Variants in KPNA7 observed in about 807,000 individuals in gnomAD.
The protein encoded by KPNA7 is karyopherin subunit alpha 7.
In KPNA7, 54 loss-of-function variants were observed where a neutral mutation model predicts 53.7. That is an observed-to-expected ratio of 1.01 (90% CI 0.81 to 1.26). KPNA7 has a LOEUF of 1.26. Ranked by LOEUF, KPNA7 falls within the 50% of genes most tolerant of loss-of-function variation. KPNA7 has a pLI of 0.00. For missense variants in KPNA7, 640 were observed against 644.5 expected (o/e 0.99, Z 0.07); for synonymous variants, 276 against 259.3 (o/e 1.06, Z -0.62).
Position 99,181,959 on chromosome 7 carries a change from G to C in KPNA7, c.1241C>G (p.Pro414Arg), listed in dbSNP as rs762142648. Residue 414 changes from proline to arginine, a missense_variant, in exon 9 of 11, where the codon CCA becomes CGA. Transcript: ENST00000327442. ...TGGGGCAGTGAGCAGATTCACCAGT[G>C]GCTCCAGGACCCCAGAGTGGACGAG... The part of the protein sequence containing the change: ...IQLVHSGVLE[P>R]LVNLLTAPDV... 4.8e-5 allele frequency: 74 copies of C among 1,551,300 alleles called. No individual in the cohort carries two copies. The highest frequency in any genetic ancestry group is 6.2e-5 in the Non-Finnish European group (71 of 1,146,782).
chr7:99,188,195 A>AAAAAG (rs779112006), intron 7 of KPNA7, 105 bp downstream of exon 7: 26,629 of 622,420 alleles, frequency 0.043, 449 homozygotes, highest in East Asian at 0.1. Context: ...AAAAAAAAAA[A>AAAAAG]AAAGCAAAGA....
chr7:99,201,376 C>T (rs1338662344), intron 3 of KPNA7, among the ~76,000 whole-genome samples: 1 of 151,900 alleles, frequency 6.6e-6, no homozygotes. Flanking sequence ...AAAAAATATG[C>T]TAATATGCCA....
At chr7:99,161,575 A>T in the KPNA7 span, among the ~76,000 whole-genome samples, 1 of 152,100 alleles carries the variant, frequency 6.6e-6, no homozygotes, top group African/African-American at 2.4e-5. Flanking sequence ...TTAAGCTGTT[A>T]AGTTTCTGGG....
At chr7:99,208,820 G>A (rs1323430424), upstream of KPNA7, among the ~76,000 whole-genome samples, 1 of 151,232 alleles carries the variant, frequency 6.6e-6, no homozygotes, top group Admixed American at 6.6e-5. Context: ...GCTTCAACTG[G>A]GTCCTCAAAT....
At chr7:99,152,588 A>G in the KPNA7 span, among the ~76,000 whole-genome samples, 4 of 152,182 alleles carry the variant, frequency 2.6e-5, no homozygotes, top group Non-Finnish European at 4.4e-5. Flanking sequence ...TTAAAAATTA[A>G]CAGTGGTTAA....
chr7:99,203,592 T>A (rs1790656274), intron 2 of KPNA7, among the ~76,000 whole-genome samples: 1 of 151,996 alleles, frequency 6.6e-6, no homozygotes, highest in South Asian at 2.1e-4. Flanking sequence ...TATGGCTGCT[T>A]CCTGAATGTA....
chr7:99,177,474 A>G (rs1469610881), intron 10 of KPNA7, among the ~76,000 whole-genome samples: 2 of 150,156 alleles, frequency 1.3e-5, no homozygotes, highest in Admixed American at 6.7e-5. Flanking sequence ...TCTCGGGTCA[A>G]TGAGGCTCAA....
intron 7 of KPNA7, among the ~76,000 whole-genome samples, chr7:99,187,876 CCA>C (rs1491188129): frequency 2.1e-5 from 3 of 143,592 alleles, no homozygotes; most frequent in Non-Finnish European, 3.0e-5. Flanking sequence ...AAGCTTTTGG[CCA>C]CAGAGTAGCA....
At chr7:99,186,270 C>G (rs1489672864) in intron 7 of KPNA7, among the ~76,000 whole-genome samples, 3 of 152,170 alleles carry the variant, frequency 2.0e-5, no homozygotes, top group South Asian at 2.1e-4. Flanking sequence ...CAACAACTCT[C>G]CTACAATAGC....
At chr7:99,200,123 G>C (rs977955908) in intron 3 of KPNA7, among the ~76,000 whole-genome samples, 2 of 152,174 alleles carry the variant, frequency 1.3e-5, no homozygotes, top group African/African-American at 4.8e-5. Context: ...GGATGGTCTT[G>C]AACTCCTGAC....
intron 3 of KPNA7, among the ~76,000 whole-genome samples, chr7:99,198,742 CTT>C (rs1218636429): frequency 2.0e-5 from 3 of 152,058 alleles, no homozygotes; most frequent in Admixed American, 2.0e-4. Flanking sequence ...GCTCTTTTCA[CTT>C]TTATCCAACA....
chr7:99,205,723 C>T (rs1309050765), intron 2 of KPNA7, among the ~76,000 whole-genome samples: 1 of 151,774 alleles, frequency 6.6e-6, no homozygotes, highest in Non-Finnish European at 1.5e-5. Context: ...TAATTGTGCA[C>T]ACCTGTAATC....
the KPNA7 span, among the ~76,000 whole-genome samples, chr7:99,147,141 A>T: frequency 6.6e-6 from 1 of 152,224 alleles, no homozygotes; most frequent in East Asian, 1.9e-4. Flanking sequence ...CAAGGAATAC[A>T]AAATAAATCT....
intron 4 of KPNA7, 114 bp downstream of exon 4, chr7:99,195,970 T>C: frequency 3.8e-6 from 3 of 792,742 alleles, no homozygotes; most frequent in Non-Finnish European, 6.3e-6. Flanking sequence ...TTTCCTGTGT[T>C]TTACGGGCAT....
At chr7:99,166,193 G>T in the KPNA7 span, among the ~76,000 whole-genome samples, 1 of 152,002 alleles carries the variant, frequency 6.6e-6, no homozygotes, top group Non-Finnish European at 1.5e-5. Context: ...TTTATTTATA[G>T]CAATGCCAAA....
the KPNA7 span, among the ~76,000 whole-genome samples, chr7:99,147,562 G>A: frequency 2.0e-5 from 3 of 152,134 alleles, no homozygotes; most frequent in Admixed American, 6.5e-5. Flanking sequence ...AGACCAAGGC[G>A]GGTGGATCAC....
chr7:99,169,080 C>T (rs1483648456), downstream of KPNA7, among the ~76,000 whole-genome samples: 1 of 152,024 alleles, frequency 6.6e-6, no homozygotes, highest in African/African-American at 2.4e-5. Context: ...CCTAGCTACC[C>T]GGGAGGCGGC....
chr7:99,161,153 T>C, the KPNA7 span, among the ~76,000 whole-genome samples: 2 of 152,144 alleles, frequency 1.3e-5, no homozygotes, highest in Admixed American at 1.3e-4. Context: ...TGAGCCACCA[T>C]GCCTTCTAAG....
chr7:99,195,894 G>A (rs779262681), intron 4 of KPNA7, among the ~76,000 whole-genome samples, 190 bp downstream of exon 4: 3 of 152,106 alleles, frequency 2.0e-5, no homozygotes, highest in African/African-American at 4.8e-5. Context: ...ACAACACATC[G>A]AAGCTTTTAA....
Sources: gnomAD v4.1 joint callset for allele counts (sites outside exome capture counted in the v4.1 genomes callset) on GRCh38, gnomAD v4.1.1 for gene constraint, MANE v1.5 for transcripts, NCBI Gene and HGNC (gene_info 2026-07-23, HGNC 2026-07-21) for gene names.